TPM3: variants seen among roughly 807,000 people sequenced by gnomAD.
TPM3 encodes the protein tropomyosin 3.
In TPM3, 16 loss-of-function variants were observed where a neutral mutation model predicts 43.1. The ratio of observed to expected loss-of-function variants is 0.37; its 90% confidence interval spans 0.25 to 0.56. The LOEUF (loss-of-function observed/expected upper bound fraction) is 0.56, where lower values mean the gene tolerates loss of function less well. Among genes scored for constraint, TPM3 ranks in the 20% least tolerant of loss-of-function variants. TPM3 has a pLI of 0.77. For synonymous variants in TPM3, 101 were observed against 116.9 expected, an observed-to-expected ratio of 0.86 and a Z score of 0.88; for missense variants, 176 against 337.2, an observed-to-expected ratio of 0.52 and a Z score of 3.74.
In TPM3 at chr1:154,167,304, G is replaced by C. The variant is rs1292935141; in HGVS notation, c.*633C>G. ...GAGTTGACATAATTAGTCAATCTTA[G>C]CAATAATGTATTGGGTTCACTGGGT... is the stretch of plus-strand genomic sequence containing the variant. On this transcript the variant is annotated 3_prime_UTR_variant, in exon 10 of 10. Transcript: ENST00000651641. The C allele has an allele frequency of 1.0e-6, 1 of 985,088 alleles. No individual in the cohort carries two copies. Among genetic ancestry groups the C allele is most frequent in the South Asian group, 4.7e-5 (1 of 21,274 alleles). The allele number at this position is 985,088 out of a possible 1,614,324, so 61.0% of individuals were successfully genotyped here.
At chr1:154,189,850 A>G (rs1663604238) in intron 2 of TPM3, among the ~76,000 whole-genome samples, 1 of 151,732 alleles carries the variant, frequency 6.6e-6, no homozygotes, top group South Asian at 2.1e-4. Context: ...ACCGGATGGC[A>G]GAGAGACCAA....
At chr1:154,172,473 GC>G (rs766054011) in intron 5 of TPM3, 170 of 505,900 alleles carry the variant, frequency 3.4e-4, no homozygotes, top group Admixed American at 8.1e-4. Context: ...GCCCAGGCTG[GC>G]CTCCAACTCC....
downstream of TPM3, among the ~76,000 whole-genome samples, chr1:154,158,237 A>AT (rs780187120): frequency 7.9e-4 from 120 of 152,372 alleles, 1 homozygote; most frequent in Middle Eastern, 3.4e-3. Context: ...TAAGTCAAAT[A>AT]ATCTCTAAAG....
At chr1:154,170,570 C>T (rs1661458390) in intron 7 of TPM3, 79 bp downstream of exon 7, 2 of 1,595,874 alleles carry the variant, frequency 1.3e-6, no homozygotes, top group Admixed American at 1.7e-5. Context: ...GAACCCAAAC[C>T]AGCCAGTTTA....
intron 3 of TPM3, among the ~76,000 whole-genome samples, chr1:154,174,652 G>A (rs549433597): frequency 2.7e-5 from 4 of 149,634 alleles, no homozygotes; most frequent in Admixed American, 6.7e-5. Context: ...GCCCCACCAC[G>A]CCTGGCTAAT....
In TPM3 at chr1:154,164,343, T is replaced by A. The variant is rs902347928; in HGVS notation, c.*3594A>T. ...TGTTTGGCTAAGTTTTTATATTTTG[T>A]AGAGACAGGTTCTCACTTTATTGCC... On this transcript the variant is annotated 3_prime_UTR_variant, in exon 10 of 10. Coordinates refer to ENST00000651641, the MANE Select transcript of TPM3 (RefSeq NM_152263.4). Among the ~76,000 whole-genome samples, 1 of 152,078 alleles carries A rather than the reference T, an allele frequency of 6.6e-6. No homozygotes were observed. The highest frequency in any genetic ancestry group is 1.5e-5 in the Non-Finnish European group (1 of 68,016).
chr1:154,171,714 A>G, intron 5 of TPM3: 1 of 630,688 alleles, frequency 1.6e-6, no homozygotes, highest in Non-Finnish European at 2.8e-6. Flanking sequence ...TTTGAATACT[A>G]ATAAAGCACT....
chr1:154,155,852 GTTCT>G (rs145405416), downstream of TPM3: 26,155 of 216,784 alleles, frequency 0.12, 2,982 homozygotes, highest in African/African-American at 0.34. Context: ...CACATTAAGT[GTTCT>G]TTCTAATCTT....
rs1661519254 is a variant in TPM3, at chr1:154,171,031, C to T, written c.643-320G>A. ...CAAGAGTAGTAGCACCCCAAGGTCA[C>T]ATGACTGAAACACACCCACATGATG... On this transcript the variant is annotated intron_variant, in intron 6 of 9. Transcript: ENST00000651641. 7.6e-6 allele frequency: 4 copies of T among 525,348 alleles called. No homozygotes were observed. In the African/African-American group the frequency reaches 7.6e-5, roughly 10 times the overall value. The allele number at this position is 525,348 out of a possible 1,614,324, so 32.5% of individuals were successfully genotyped here.
At chr1:154,170,575 A>C in intron 7 of TPM3, 74 bp downstream of exon 7, 2 of 1,595,048 alleles carry the variant, frequency 1.3e-6, no homozygotes, top group Non-Finnish European at 1.7e-6. Flanking sequence ...CAAACCAGCC[A>C]GTTTAAATCC....
Position 154,167,206 on chromosome 1 carries a change from T to C in TPM3, c.*731A>G. On this transcript the variant is annotated 3_prime_UTR_variant, in exon 10 of 10. Transcript: ENST00000651641. ...CAAATGGTAGCAAGTCTCAAATATG[T>C]AAGAAAGGTTTAAAGAAGAAAAAGT... 1.4e-6 allele frequency: 1 copy of C among 718,780 alleles called. No homozygotes were observed. The highest frequency in any genetic ancestry group is 1.7e-6 in the Non-Finnish European group (1 of 586,944). 44.5% of individuals were successfully genotyped at this position (718,780 alleles called of 1,614,324 possible).
In TPM3 at chr1:154,174,390, A is replaced by G. The variant is rs180900868; in HGVS notation, c.378-1189T>C. The stretch of plus-strand genomic sequence containing the variant: ...TGTGTATATATATATATATATATAT[A>G]TATATATATATATATATACACACAA... On this transcript the variant is annotated intron_variant, in intron 3 of 9. Transcript: ENST00000651641. 6.8e-4 allele frequency among the ~76,000 whole-genome samples: 72 copies of G among 105,942 alleles called. 2 individuals carry two copies. Among genetic ancestry groups the G allele is most frequent in the Middle Eastern group, 4.3e-3 (1 of 230 alleles). 69.5% of individuals were successfully genotyped at this position (105,942 alleles called of 152,430 possible).
Position 154,173,219 on chromosome 1 carries a change from A to C in TPM3, c.378-18T>G, listed in dbSNP as rs760858321. 1.1e-5 allele frequency: 17 copies of C among 1,604,358 alleles called. No individual in the cohort carries two copies. Among genetic ancestry groups the C allele is most frequent in the Non-Finnish European group, 1.5e-5 (17 of 1,171,940 alleles). On this transcript the variant is annotated intron_variant, in intron 3 of 9. Transcript: ENST00000651641. ...TCATACCTCTGCCAGAAATAGGACA[A>C]AAGCAATACTGACACCCTGAGGAGT...
chr1:154,176,653 G>GAAAA (rs57237877), intron 2 of TPM3, among the ~76,000 whole-genome samples: 125 of 128,854 alleles, frequency 9.7e-4, no homozygotes, highest in Admixed American at 1.3e-3. Flanking sequence ...CATAAAGCAG[G>GAAAA]AAAAAAAAAA....
intron 5 of TPM3, chr1:154,171,779 G>A (rs1319721400): frequency 3.2e-6 from 2 of 623,786 alleles, no homozygotes; most frequent in Non-Finnish European, 5.6e-6. Flanking sequence ...GGTGGAGGTG[G>A]GAACAAATGC....
chr1:154,178,210 A>G (rs1268170866), intron 2 of TPM3: 6 of 985,318 alleles, frequency 6.1e-6, no homozygotes, highest in Middle Eastern at 5.2e-4. Flanking sequence ...GGAGTAGAAG[A>G]TAACAGGCTA....
intron 8 of TPM3, 88 bp from the exon 9 acceptor site, chr1:154,169,471 T>G: frequency 1.5e-6 from 2 of 1,372,310 alleles, no homozygotes. Flanking sequence ...CATTAGAAAT[T>G]AGGAAAGTGT....
chr1:154,157,626 G>A (rs767118253), downstream of TPM3: 8 of 776,442 alleles, frequency 1.0e-5, no homozygotes, highest in Non-Finnish European at 1.9e-5. Context: ...CAGCAGGGTG[G>A]GACTGGGGCG....
intron 3 of TPM3, among the ~76,000 whole-genome samples, chr1:154,175,160 T>C (rs1394098390): frequency 6.6e-6 from 1 of 151,824 alleles, no homozygotes; most frequent in Non-Finnish European, 1.5e-5. Flanking sequence ...TGAAACCCTG[T>C]CTCTACTAAA....
Sources: allele counts gnomAD v4.1 joint callset (sites outside exome capture counted in the v4.1 genomes callset), GRCh38; gene constraint gnomAD v4.1.1; transcripts MANE v1.5; gene names NCBI Gene and HGNC (gene_info 2026-07-23, HGNC 2026-07-21).